PCDHA8: variants seen among roughly 807,000 people sequenced by gnomAD.
The protein encoded by PCDHA8 is protocadherin alpha 8.
A neutral mutation model predicts 61.8 loss-of-function variants in PCDHA8; 53 were observed. The observed-to-expected ratio is 0.86, with a 90% confidence interval of 0.69 to 1.08. PCDHA8 has a LOEUF of 1.08. Among genes scored for constraint, PCDHA8 ranks in the 50% least tolerant of loss-of-function variants. The pLI, the probability that PCDHA8 is intolerant of heterozygous loss-of-function variation, is 0.00. For synonymous variants in PCDHA8, 618 were observed against 556.6 expected (o/e 1.11, Z -1.55); for missense variants, 1,293 against 1,245.0 (o/e 1.04, Z -0.58).
At chr5:140,851,653 A>G (rs1438249700) in intron 1 of PCDHA8, 1 of 911,018 alleles carries the variant, frequency 1.1e-6, no homozygotes, top group Non-Finnish European at 1.3e-6. Flanking sequence ...TCAAGAAGAC[A>G]TTCTCCTTTT....
At position 140,928,737 on chromosome 5, in the gene PCDHA8, A is replaced by G. The variant is rs140056024; in HGVS notation, c.2395-50212A>G. On this transcript the variant is annotated intron_variant, in intron 1 of 3. Coordinates refer to ENST00000531613, the MANE Select transcript of PCDHA8 (RefSeq NM_018911.3). ...GTCTCTTTAGAATTTCAGCCAATAT[A>G]GGTGAGCTCCGTACTGCTCGCTTAG... is the stretch of plus-strand genomic sequence containing the variant. 5.6e-6 allele frequency: 9 copies of G among 1,614,000 alleles called. No homozygotes were observed. In the African/African-American group the frequency reaches 8.0e-5, roughly 14 times the overall value.
chr5:140,966,984 G>C lies in PCDHA8; in HGVS notation c.2395-11965G>C, dbSNP rs1217682338. ...CTGGGGCTTGAGCTGCGGCGCTTGGGGCCGGGTTGCTTGCGCATCAACCAT... is the reference window on the plus strand; with the variant it reads ...CTGGGGCTTGAGCTGCGGCGCTTGGCGCCGGGTTGCTTGCGCATCAACCAT... On this transcript the variant is annotated intron_variant, in intron 1 of 3. Transcript: ENST00000531613. 21 of 1,603,802 alleles carry C rather than the reference G, an allele frequency of 1.3e-5. No homozygotes were observed. The East Asian group carries it at 4.5e-4, about 34-fold the overall frequency.
At chr5:140,919,713 G>C (rs1370532221) in intron 1 of PCDHA8, among the ~76,000 whole-genome samples, 1 of 152,096 alleles carries the variant, frequency 6.6e-6, no homozygotes, top group African/African-American at 2.4e-5. Context: ...ATTCTAGTGA[G>C]ATATAAATAT....
In PCDHA8 at chr5:140,879,581, G is replaced by A. The variant is rs537126502; in HGVS notation, c.2394+35866G>A. On this transcript the variant is annotated intron_variant, in intron 1 of 3. Transcript: ENST00000531613. ...ATGAAAGAATAAAATTGCCAAGACA[G>A]ACATTGAAAAGTGAAAAACAATGTG... Among the ~76,000 whole-genome samples the A allele has an allele frequency of 2.6e-5, 4 of 152,334 alleles. No individual in the cohort carries two copies. In the East Asian group the frequency reaches 7.7e-4, roughly 29 times the overall value.
chr5:141,010,073 T>C lies in PCDHA8; in HGVS notation c.*136T>C. On this transcript the variant is annotated 3_prime_UTR_variant, in exon 4 of 4. Coordinates refer to ENST00000531613, the MANE Select transcript of PCDHA8 (RefSeq NM_018911.3). ...CCTCAGAAATCTGCAGAAAGTTCCC[T>C]GTGTCTGTCTAGAACGCATTTAACA... 6.2e-7 allele frequency: 1 copy of C among 1,606,602 alleles called. No individual in the cohort carries two copies. The highest frequency in any genetic ancestry group is 1.7e-5 in the Admixed American group (1 of 59,096).
chr5:140,946,613 T>A (rs1300820927), intron 1 of PCDHA8, among the ~76,000 whole-genome samples: 1 of 116,702 alleles, frequency 8.6e-6, no homozygotes, highest in South Asian at 2.6e-4. Context: ...AAATGTGAAA[T>A]ATATATATAT....
In PCDHA8 at chr5:140,885,198, T is replaced by A. The variant is rs531029212; in HGVS notation, c.2394+41483T>A. On this transcript the variant is annotated intron_variant, in intron 1 of 3. Coordinates refer to ENST00000531613, the MANE Select transcript of PCDHA8 (RefSeq NM_018911.3). ...TAGGCACATCAGTGTTCCCCTCTCATATATCCCATGAAAAATATCTTGTGA... is the reference window on the plus strand; with the variant it reads ...TAGGCACATCAGTGTTCCCCTCTCAAATATCCCATGAAAAATATCTTGTGA... Among the ~76,000 whole-genome samples the A allele has an allele frequency of 5.9e-5, 9 of 152,276 alleles. No homozygotes were observed. In the South Asian group the frequency reaches 1.7e-3, roughly 28 times the overall value.
intron 1 of PCDHA8, chr5:140,871,196 AC>A (rs782394304): frequency 1.7e-5 from 28 of 1,613,546 alleles, no homozygotes; most frequent in Non-Finnish European, 2.2e-5. Context: ...GTCAACGTGT[AC>A]CTGATCATCG....
chr5:140,908,268 A>G (rs1401852970), intron 1 of PCDHA8, among the ~76,000 whole-genome samples: 4 of 152,284 alleles, frequency 2.6e-5, no homozygotes, highest in African/African-American at 9.6e-5. Context: ...GGAACTCCCC[A>G]TGAGGCCATT....
At chr5:140,993,137 A>G (rs1336525759) in intron 3 of PCDHA8, among the ~76,000 whole-genome samples, 12 of 152,212 alleles carry the variant, frequency 7.9e-5, no homozygotes, top group African/African-American at 2.7e-4. Flanking sequence ...CTGTTGCAAC[A>G]AGTATAAATG....
chr5:140,866,796 G>T (rs1360079320), intron 1 of PCDHA8: 1 of 152,128 alleles, frequency 6.6e-6, no homozygotes, highest in African/African-American at 2.4e-5. Flanking sequence ...TATAGTAAAA[G>T]TCAGGCACAA....
At chr5:140,865,190 C>T (rs976709711) in intron 1 of PCDHA8, 3 of 152,106 alleles carry the variant, frequency 2.0e-5, no homozygotes, top group Admixed American at 1.3e-4. Flanking sequence ...TGCCTTCACA[C>T]CATATTAATG....
At position 140,841,682 on chromosome 5, in the gene PCDHA8, G is replaced by C. The variant is rs2150320729; in HGVS notation, c.361G>C (p.Val121Leu). Residue 121 changes from valine to leucine, a missense_variant, in exon 1 of 4, where the codon GTG becomes CTG. Val to Leu is a conservative substitution (Grantham distance 32, BLOSUM62 1). Transcript: ENST00000531613. ...DRPLQVFHVD[V>L]EVKDVNDNPP... The stretch of plus-strand genomic sequence containing the variant: ...GCCGCTGCAGGTTTTCCATGTGGAC[G>C]TGGAGGTGAAGGATGTTAATGACAA... 2.1e-5 allele frequency: 34 copies of C among 1,613,844 alleles called. No individual in the cohort carries two copies. The highest frequency in any genetic ancestry group is 2.5e-6 in the Non-Finnish European group (3 of 1,179,892).
At chr5:140,924,903 AAAT>A (rs782701584) in intron 1 of PCDHA8, among the ~76,000 whole-genome samples, 3,132 of 54,516 alleles carry the variant, frequency 0.057, 46 homozygotes, top group African/African-American at 0.096. Context: ...TCAAAAAAAA[AAAT>A]AAAATAAAAT....
At chr5:140,884,119 C>T (rs782009154) in intron 1 of PCDHA8, 1 of 1,613,310 alleles carries the variant, frequency 6.2e-7, no homozygotes. Context: ...CGGCGGTCGG[C>T]GCGCGCATCC....
intron 1 of PCDHA8, chr5:140,859,685 A>AT (rs1250609126): frequency 6.5e-6 from 1 of 154,692 alleles, no homozygotes; most frequent in Admixed American, 6.4e-5. Context: ...TAAAATTAAA[A>AT]TTATTGTTCA....
chr5:140,905,882 A>G (rs1213836068), intron 1 of PCDHA8, among the ~76,000 whole-genome samples: 1 of 152,192 alleles, frequency 6.6e-6, no homozygotes, highest in Admixed American at 6.5e-5. Context: ...GCCCAACAAT[A>G]GGCCATCTGC....
At chr5:140,966,724 CGCCTCCGGCCCTGCCCGGCT>C (rs1563354102) in intron 1 of PCDHA8, 1 of 1,396,284 alleles carries the variant, frequency 7.2e-7, no homozygotes, top group Admixed American at 3.3e-5. Flanking sequence ...GGGAAGCTGC[CGCCTCCGGCCCTGCCCGGCT>C]GCCTCCGCCG....
In PCDHA8 at chr5:140,957,188, C is replaced by T. The variant is rs374236292; in HGVS notation, c.2395-21761C>T. On this transcript the variant is annotated intron_variant, in intron 1 of 3. Transcript: ENST00000531613. ...GTATATAAATTGGTTTATTGATGAC[C>T]GATTGGGAATATAAATAGGCACAAA... is the stretch of plus-strand genomic sequence containing the variant. 2.1e-3 allele frequency among the ~76,000 whole-genome samples: 315 copies of T among 151,992 alleles called. 3 individuals carry two copies. The highest frequency in any genetic ancestry group is 7.3e-3 in the African/African-American group (304 of 41,464).
Sources: allele counts gnomAD v4.1 joint callset (sites outside exome capture counted in the v4.1 genomes callset), GRCh38; gene constraint gnomAD v4.1.1; transcripts MANE v1.5; gene names NCBI Gene and HGNC (gene_info 2026-07-23, HGNC 2026-07-21).